Variants in DAAM1 observed in about 807,000 individuals in gnomAD.
DAAM1 encodes dishevelled associated activator of morphogenesis 1, also known as disheveled-associated activator of morphogenesis 1.
Under a neutral mutation model 130.0 loss-of-function variants are expected in DAAM1, and 52 were observed. That is an observed-to-expected ratio of 0.40 (90% CI 0.32 to 0.50). DAAM1 has a LOEUF of 0.50. Among genes scored for constraint, DAAM1 ranks in the 20% least tolerant of loss-of-function variants. The pLI is 0.61. For synonymous variants in DAAM1, 452 were observed against 444.5 expected (o/e 1.02, Z -0.21); for missense variants, 1,134 against 1,303.8 (o/e 0.87, Z 2.01).
At chr14:59,234,575 G>A (rs1237387433) in intron 1 of DAAM1, among the ~76,000 whole-genome samples, 2 of 152,172 alleles carry the variant, frequency 1.3e-5, no homozygotes, top group Non-Finnish European at 2.9e-5. Context: ...TCTGCAAACA[G>A]AGACAATTTG....
At chr14:59,213,592 A>G (rs1888493138) in intron 1 of DAAM1, among the ~76,000 whole-genome samples, 1 of 152,156 alleles carries the variant, frequency 6.6e-6, no homozygotes, top group African/African-American at 2.4e-5. Flanking sequence ...ACATACTTAT[A>G]TGGAAAGAAA....
chr14:59,240,569 C>T (rs1168588729), intron 1 of DAAM1, among the ~76,000 whole-genome samples: 1 of 152,200 alleles, frequency 6.6e-6, no homozygotes, highest in African/African-American at 2.4e-5. Context: ...CCCCATCTCC[C>T]TTGTCCCATC....
chr14:59,243,481 G>T (rs959732243), intron 1 of DAAM1, among the ~76,000 whole-genome samples: 2 of 152,154 alleles, frequency 1.3e-5, no homozygotes, highest in Non-Finnish European at 2.9e-5. Flanking sequence ...GTCATTTCCA[G>T]CCCTGAGTGA....
intron 2 of DAAM1, among the ~76,000 whole-genome samples, chr14:59,288,446 C>G (rs1389209441): frequency 1.3e-5 from 2 of 152,120 alleles, no homozygotes; most frequent in African/African-American, 4.8e-5. Flanking sequence ...AGTTTCTCCA[C>G]AGCAAAAGAC....
intron 1 of DAAM1, among the ~76,000 whole-genome samples, chr14:59,250,336 A>T (rs769590335): frequency 6.6e-6 from 1 of 152,238 alleles, no homozygotes; most frequent in Non-Finnish European, 1.5e-5. Flanking sequence ...TTTGCATCTA[A>T]CATTACATTG....
rs368363240 is a variant in DAAM1 at position 59,202,330 on chromosome 14, G to C, written c.-38+13562G>C. Among the ~76,000 whole-genome samples the C allele has an allele frequency of 3.3e-5, 5 of 152,290 alleles. No homozygotes were observed. In the East Asian group the frequency reaches 5.8e-4, roughly 18 times the overall value. ...TTGGCCCAGAGTTACAGTGACCCAAGGGGGTGGGAGATCAAATAAAATGGC... is the reference window on the plus strand; with the variant it reads ...TTGGCCCAGAGTTACAGTGACCCAACGGGGTGGGAGATCAAATAAAATGGC... On this transcript the variant is annotated intron_variant, in intron 1 of 24. Coordinates refer to ENST00000360909, the MANE Select transcript of DAAM1 (RefSeq NM_001270520.2).
At chr14:59,359,370 T>C (rs1334375915) in intron 20 of DAAM1, 27 bp from the exon 21 acceptor site, 3 of 1,511,852 alleles carry the variant, frequency 2.0e-6, no homozygotes, top group Non-Finnish European at 2.8e-6. Context: ...TTTGAATGTT[T>C]AATACTCTTC....
Position 59,368,837 on chromosome 14 carries a change from C to T in DAAM1, c.3185C>T (p.Pro1062Leu), listed in dbSNP as rs1887026407. The T allele has an allele frequency of 1.9e-6, 3 of 1,613,162 alleles. No homozygotes were observed. The highest frequency in any genetic ancestry group is 2.5e-6 in the Non-Finnish European group (3 of 1,179,730). ...NQMTDSSRER[P>L]ITKLNF is the part of the protein sequence containing the mutation. ...ATGACTGACAGCAGCAGAGAGAGAC[C>T]AATCACAAAACTTAATTTCTAATTT... The change falls in exon 25 of 25, where the codon CCA becomes CTA. Residue 1062 changes from proline (P) to leucine (L), a missense_variant. Around this residue, in one of 3 missense-constraint regions of DAAM1, gnomAD observed 644 missense variants for 695.9 expected, o/e 0.93. Transcript: ENST00000360909.
intron 15 of DAAM1, among the ~76,000 whole-genome samples, chr14:59,335,052 A>G (rs1324686638): frequency 6.6e-6 from 1 of 152,168 alleles, no homozygotes; most frequent in Non-Finnish European, 1.5e-5. Context: ...CTATGAGTAG[A>G]TATTCATATT....
At chr14:59,327,804 A>G (rs1460548425) in intron 12 of DAAM1, among the ~76,000 whole-genome samples, 1 of 152,168 alleles carries the variant, frequency 6.6e-6, no homozygotes, top group Non-Finnish European at 1.5e-5. Context: ...TTGCTGAGAT[A>G]TGTGTTACGA....
At chr14:59,309,187 A>C (rs578140423) in intron 3 of DAAM1, among the ~76,000 whole-genome samples, 3 of 152,298 alleles carry the variant, frequency 2.0e-5, no homozygotes, top group South Asian at 4.1e-4. Context: ...TTTTGCCCCC[A>C]AAAAGGAAGA....
intron 1 of DAAM1, among the ~76,000 whole-genome samples, chr14:59,199,536 G>C (rs1158874905): frequency 6.6e-6 from 1 of 152,168 alleles, no homozygotes; most frequent in South Asian, 2.1e-4. Flanking sequence ...GTTCTGATTT[G>C]TCACAGACCT....
intron 13 of DAAM1, among the ~76,000 whole-genome samples, chr14:59,330,958 G>T (rs532156980): frequency 1.3e-5 from 2 of 152,310 alleles, no homozygotes; most frequent in Non-Finnish European, 2.9e-5. Flanking sequence ...CAGACTGTCT[G>T]TGATGGTGCA....
At chr14:59,365,337 G>A (rs140789639) in intron 23 of DAAM1, among the ~76,000 whole-genome samples, 25 of 152,302 alleles carry the variant, frequency 1.6e-4, no homozygotes, top group African/African-American at 5.3e-4. Context: ...AAATCCAGTT[G>A]TAGACTGGCT....
At chr14:59,197,985 C>G (rs1003651049) in intron 1 of DAAM1, among the ~76,000 whole-genome samples, 3 of 152,076 alleles carry the variant, frequency 2.0e-5, no homozygotes, top group African/African-American at 4.8e-5. Context: ...GTTTTTCTGA[C>G]GAACAAGTTG....
intron 1 of DAAM1, among the ~76,000 whole-genome samples, chr14:59,201,160 C>CAAAAAAAA (rs71111617): frequency 1.5e-5 from 1 of 68,858 alleles, no homozygotes; most frequent in African/African-American, 6.3e-5. Flanking sequence ...GACTCCGTCT[C>CAAAAAAAA]AAAAAAAAAA....
chr14:59,366,855 C>T (rs1886935009), intron 23 of DAAM1, among the ~76,000 whole-genome samples: 1 of 151,698 alleles, frequency 6.6e-6, no homozygotes, highest in Non-Finnish European at 1.5e-5. Flanking sequence ...CTGTATTTTG[C>T]TGTGATCATA....
chr14:59,322,795 A>G (rs1885063100), intron 5 of DAAM1, 97 bp from the exon 6 acceptor site: 1 of 1,005,292 alleles, frequency 9.9e-7, no homozygotes, highest in African/African-American at 1.6e-5. Context: ...CACTTTAGGA[A>G]CTAAATCTTT....
intron 2 of DAAM1, among the ~76,000 whole-genome samples, chr14:59,285,618 G>A (rs1249248007): frequency 6.6e-6 from 1 of 152,172 alleles, no homozygotes; most frequent in Non-Finnish European, 1.5e-5. Flanking sequence ...AACATGGGTT[G>A]CTATTCTTGT....
Sources: gnomAD v4.1 joint callset for allele counts (sites outside exome capture counted in the v4.1 genomes callset) on GRCh38, gnomAD v4.1.1 for gene constraint, gnomAD v4.1.1 regional missense constraint, MANE v1.5 for transcripts, NCBI Gene and HGNC (gene_info 2026-07-23, HGNC 2026-07-21) for gene names.